Variants in SEC62 observed in about 807,000 individuals in gnomAD.
The protein encoded by SEC62 is translocation protein SEC62.
A neutral mutation model predicts 47.5 loss-of-function variants in SEC62; 10 were observed. The observed-to-expected ratio is 0.21, with a 90% CI of 0.13 to 0.36. SEC62 has a LOEUF of 0.36. Ranked by LOEUF, SEC62 falls within the 10% of genes least tolerant of loss-of-function variation. The probability of loss-of-function intolerance (pLI) is 1.00; values close to 1 mark genes in which losing one functional copy is unlikely to be tolerated. For missense variants in SEC62, 327 were observed against 464.1 expected (o/e 0.70, Z 2.71); for synonymous variants, 136 against 150.5 (o/e 0.90, Z 0.71).
rs754146016 is a variant in SEC62 at position 169,992,940 on chromosome 3, T to C, written c.1077T>C (p.Asn359=). The C allele has an allele frequency of 2.5e-6, 4 of 1,613,422 alleles. No individual in the cohort carries two copies. The African/African-American group carries it at 5.4e-5, about 22-fold the overall frequency. ...ATCGATCCCAGCACAGTAGTGGAAA[T>C]GGAAATGATTTTGAAATGATAACAA... is the stretch of plus-strand genomic sequence containing the variant. ...EDDRSQHSSG[N]GNDFEMITKE... is the part of the protein sequence containing the mutation. Residue 359 remains asparagine (N), a synonymous_variant, in exon 8 of 8, where the codon AAT becomes AAC. Transcript: ENST00000337002. The surrounding 1 kb of genome is among the most constrained non-coding windows in gnomAD (Gnocchi z 4.0).
chr3:169,989,891 T>G (rs1365453402), intron 7 of SEC62, among the ~76,000 whole-genome samples: 1 of 150,196 alleles, frequency 6.7e-6, no homozygotes, highest in African/African-American at 2.4e-5. Flanking sequence ...TTCAAATAAT[T>G]AGATATTTCT....
At chr3:169,972,669 C>G (rs1714727288) in intron 1 of SEC62, among the ~76,000 whole-genome samples, 1 of 148,356 alleles carries the variant, frequency 6.7e-6, no homozygotes, top group African/African-American at 2.5e-5. Flanking sequence ...CTCAAGCAGT[C>G]TGCCTGCCTC....
chr3:169,991,478 C>G (rs1291948131), intron 7 of SEC62, among the ~76,000 whole-genome samples: 1 of 152,128 alleles, frequency 6.6e-6, no homozygotes, highest in African/African-American at 2.4e-5. Context: ...GACCTGTAAT[C>G]CCTGCACTTT....
chr3:169,984,830 C>T (rs1365438951), intron 5 of SEC62, among the ~76,000 whole-genome samples: 2 of 151,938 alleles, frequency 1.3e-5, no homozygotes, highest in Non-Finnish European at 2.9e-5. Flanking sequence ...GGGAAGAGTA[C>T]TGTTATTTAT....
At chr3:169,967,059 A>G (rs1714547771) in intron 1 of SEC62, among the ~76,000 whole-genome samples, 1 of 152,078 alleles carries the variant, frequency 6.6e-6, no homozygotes, top group Non-Finnish European at 1.5e-5. Context: ...GGAGACAGAG[A>G]CGGAGGTGGT....
At position 169,992,835 on chromosome 3, in the gene SEC62, A is replaced by T; in HGVS notation, c.972A>T (p.Lys324Asn). ...DSEKKEDEEGKVGPGNHGTEG... is the reference protein window; with the variant it reads ...DSEKKEDEEGNVGPGNHGTEG... ...AGAAAAAGGAAGATGAGGAGGGGAA[A>T]GTAGGACCAGGAAATCATGGAACAG... is the stretch of plus-strand genomic sequence containing the variant. Residue 324 changes from lysine to asparagine, a missense_variant, in exon 8 of 8, where the codon AAA (lysine) becomes AAT (asparagine). Around this residue, in one of 3 missense-constraint regions of SEC62, gnomAD observed 102 missense variants for 108.8 expected, o/e 0.94. Coordinates refer to ENST00000337002, the MANE Select transcript of SEC62 (RefSeq NM_003262.4). The surrounding 1 kb of genome is among the most constrained non-coding windows in gnomAD (Gnocchi z 4.0). The T allele has an allele frequency of 6.2e-7, 1 of 1,614,124 alleles. No homozygotes were observed. Among genetic ancestry groups the T allele is most frequent in the Non-Finnish European group, 8.5e-7 (1 of 1,180,014 alleles).
intron 7 of SEC62, among the ~76,000 whole-genome samples, chr3:169,989,481 C>T (rs1238315110): frequency 1.3e-5 from 2 of 150,480 alleles, no homozygotes; most frequent in African/African-American, 2.4e-5. Flanking sequence ...ATATCTAAGC[C>T]TGTTTGAATT....
chr3:169,969,902 C>G (rs1439463626), intron 1 of SEC62, among the ~76,000 whole-genome samples: 1 of 152,158 alleles, frequency 6.6e-6, no homozygotes, highest in Non-Finnish European at 1.5e-5. Context: ...TTATAACCCT[C>G]CATTAGTTAT....
rs113066293 is a variant in SEC62, at chr3:169,978,134, C to T, written c.251+1083C>T. On this transcript the variant is annotated intron_variant, in intron 3 of 7. Transcript: ENST00000337002. ...CTCTACTAAAAATACAAAAAATTAG[C>T]CAGGTGTGGTGGCGGGCACCTATAG... 2.0e-5 allele frequency among the ~76,000 whole-genome samples: 3 copies of T among 152,128 alleles called. No homozygotes were observed. In the East Asian group the frequency reaches 5.8e-4, roughly 29 times the overall value.
At chr3:169,967,472 T>G (rs553947321) in intron 1 of SEC62, among the ~76,000 whole-genome samples, 7 of 152,284 alleles carry the variant, frequency 4.6e-5, no homozygotes, top group African/African-American at 1.7e-4. Flanking sequence ...ACTTGAAGCT[T>G]GCCGGCTTTT....
chr3:169,993,012 G>C lies in SEC62; in HGVS notation c.1149G>C (p.Glu383Asp). ...QQTDGDCEED[E>D]EEENDGETPK... ...CAGATGGGGATTGTGAAGAGGATGAGGAAGAGGAAAATGATGGAGAAACAC... is the reference window on the plus strand; with the variant it reads ...CAGATGGGGATTGTGAAGAGGATGACGAAGAGGAAAATGATGGAGAAACAC... Residue 383 changes from glutamate to aspartate, a missense_variant, in exon 8 of 8, where the codon GAG (glutamate) becomes GAC (aspartate). Glu to Asp is a conservative substitution (Grantham distance 45). Transcript: ENST00000337002. 6.2e-7 allele frequency: 1 copy of C among 1,611,556 alleles called. No homozygotes were observed. Among genetic ancestry groups the C allele is most frequent in the Non-Finnish European group, 8.5e-7 (1 of 1,179,148 alleles).
Position 169,995,573 on chromosome 3 carries a change from G to A in SEC62, c.*2510G>A, listed in dbSNP as rs1014518505. Reference sequence around the variant, plus strand: ...CCTCTTTCTGGTTTTACATCATGAGGATCAGTTAGCTGCTGACAAGAAAAG... The same window carrying A: ...CCTCTTTCTGGTTTTACATCATGAGAATCAGTTAGCTGCTGACAAGAAAAG... On this transcript the variant is annotated 3_prime_UTR_variant, in exon 8 of 8. Transcript: ENST00000337002. The A allele has an allele frequency of 3.3e-5, 5 of 152,096 alleles. No individual in the cohort carries two copies. The highest frequency in any genetic ancestry group is 9.7e-5 in the African/African-American group (4 of 41,414). 9.4% of individuals were successfully genotyped at this position (152,096 alleles called of 1,614,324 possible). A position where few individuals can be genotyped will look rare whatever the true frequency, so the allele number is the denominator to read the frequency against.
chr3:169,992,868 G>C lies in SEC62; in HGVS notation c.1005G>C (p.Ser335=), dbSNP rs772239121. 1.2e-6 allele frequency: 2 copies of C among 1,613,992 alleles called. No homozygotes were observed. Among genetic ancestry groups the C allele is most frequent in the East Asian group, 4.5e-5 (2 of 44,876 alleles). ...VGPGNHGTEG[S]GGERHSDTDS... ...CAGGAAATCATGGAACAGAAGGCTCGGGGGGAGAACGGCATTCAGACACGG... is the reference window on the plus strand; with the variant it reads ...CAGGAAATCATGGAACAGAAGGCTCCGGGGGAGAACGGCATTCAGACACGG... Residue 335 remains serine, a synonymous_variant, in exon 8 of 8, where the codon TCG becomes TCC. Transcript: ENST00000337002. The surrounding 1 kb of genome is among the most constrained non-coding windows in gnomAD (Gnocchi z 4.0).
chr3:169,982,498 C>T (rs1245056008), intron 3 of SEC62: 2 of 513,996 alleles, frequency 3.9e-6, no homozygotes, highest in Admixed American at 5.6e-5. Context: ...TTGAATATCA[C>T]TGAGTTTTGA....
intron 3 of SEC62, among the ~76,000 whole-genome samples, chr3:169,979,859 T>G (rs530358416): frequency 2.3e-4 from 35 of 152,322 alleles, no homozygotes; most frequent in South Asian, 1.0e-3. Context: ...TAAGACTGTT[T>G]TATACTTTAT....
chr3:169,986,026 T>C lies in SEC62; in HGVS notation c.610+161T>C, dbSNP rs896339023. 209 of 548,246 alleles carry C rather than the reference T, an allele frequency of 3.8e-4. 1 individual carries two copies. Among genetic ancestry groups the C allele is most frequent in the Middle Eastern group, 3.3e-3 (7 of 2,094 alleles). The allele number at this position is 548,246 out of a possible 1,614,324, so 34.0% of individuals were successfully genotyped here. ...AAGATAAATAATACACTAAGGAAAATATTTGAAACATATTAAAGATCTTTT... is the reference window on the plus strand; with the variant it reads ...AAGATAAATAATACACTAAGGAAAACATTTGAAACATATTAAAGATCTTTT... On this transcript the variant is annotated intron_variant, in intron 6 of 7. Coordinates refer to ENST00000337002, the MANE Select transcript of SEC62 (RefSeq NM_003262.4).
intron 1 of SEC62, among the ~76,000 whole-genome samples, chr3:169,967,878 CTT>C (rs1236587690): frequency 1.4e-5 from 2 of 141,318 alleles, no homozygotes; most frequent in Non-Finnish European, 3.0e-5. Context: ...CATTTTATCC[CTT>C]CTTTTTTTTT....
At chr3:169,969,217 G>A (rs542260127) in intron 1 of SEC62, 12 of 438,586 alleles carry the variant, frequency 2.7e-5, no homozygotes, top group South Asian at 1.4e-4. Flanking sequence ...GGGGAGAAAT[G>A]TTTGATACAA....
intron 1 of SEC62, among the ~76,000 whole-genome samples, chr3:169,972,258 T>C (rs1044344799): frequency 1.3e-5 from 2 of 152,196 alleles, no homozygotes; most frequent in African/African-American, 4.8e-5. Context: ...TATTCTGCTT[T>C]TACACACTTA....
Sources: allele counts gnomAD v4.1 joint callset (sites outside exome capture counted in the v4.1 genomes callset), GRCh38; gene constraint gnomAD v4.1.1; regional missense constraint gnomAD v4.1.1; non-coding constraint Gnocchi (gnomAD v3.1); transcripts MANE v1.5; gene names NCBI Gene and HGNC (gene_info 2026-07-23, HGNC 2026-07-21).